The following MTUS2 variants were observed in gnomAD, a reference collection of about 807,000 sequenced individuals.
MTUS2 encodes microtubule-associated tumor suppressor candidate 2.
Under a neutral mutation model 114.1 loss-of-function variants are expected in MTUS2, and 40 were observed. The observed-to-expected ratio is 0.35, with a 90% confidence interval of 0.27 to 0.46. The LOEUF (loss-of-function observed/expected upper bound fraction) is 0.46, where lower values mean the gene tolerates loss of function less well. MTUS2 is among the 20% of genes least tolerant of loss of function. The probability of loss-of-function intolerance (pLI) is 1.00; values close to 1 mark genes in which losing one functional copy is unlikely to be tolerated. For synonymous variants in MTUS2, 688 were observed against 672.0 expected (o/e 1.02, Z -0.37); for missense variants, 1,679 against 1,705.4 (o/e 0.98, Z 0.27).
intron 5 of MTUS2, among the ~76,000 whole-genome samples, chr13:29,181,259 C>T (rs9579304): frequency 0.56 from 85,708 of 151,782 alleles, 24,404 homozygotes; most frequent in Admixed American, 0.57. Flanking sequence ...AGGCATCCTC[C>T]GATGTGCCTA....
chr13:29,020,868 G>T (rs527690023), intron 2 of MTUS2, among the ~76,000 whole-genome samples: 1 of 151,622 alleles, frequency 6.6e-6, no homozygotes, highest in African/African-American at 2.4e-5. Flanking sequence ...AAAGCAAGGG[G>T]ATGTGAAGAC....
chr13:29,403,251 ACTC>A lies in MTUS2; in HGVS notation c.3118-36728_3118-36726del, dbSNP rs199823261. Among the ~76,000 whole-genome samples the A allele has an allele frequency of 4.1e-4, 62 of 150,262 alleles. 1 individual carries two copies. The East Asian group carries it at 0.012, about 30-fold the overall frequency. ...ACTTTTGGGTCCCTGTTCCATTACCACTCCTCTTGTGTGTTTCTTCAGCAGCTC... is the reference window on the plus strand; with the variant it reads ...ACTTTTGGGTCCCTGTTCCATTACCACTCTTGTGTGTTTCTTCAGCAGCTC... On this transcript the variant is annotated intron_variant, in intron 8 of 15. Coordinates refer to ENST00000612955, the MANE Select transcript of MTUS2 (RefSeq NM_001033602.4).
intron 2 of MTUS2, among the ~76,000 whole-genome samples, chr13:28,906,858 TCTAGCAAGG>T (rs1161174732): frequency 6.6e-6 from 1 of 151,486 alleles, no homozygotes; most frequent in East Asian, 1.9e-4. Context: ...ACTTCCCCAA[TCTAGCAAGG>T]CAGGCCAACA....
At chr13:28,887,007 T>A (rs71433288) in intron 2 of MTUS2, among the ~76,000 whole-genome samples, 121 of 152,306 alleles carry the variant, frequency 7.9e-4, no homozygotes, top group Middle Eastern at 6.8e-3. Flanking sequence ...GGTACAGAGC[T>A]AGTGCAAGGT....
chr13:29,290,573 G>A (rs1171238191), intron 6 of MTUS2, among the ~76,000 whole-genome samples: 4 of 151,746 alleles, frequency 2.6e-5, no homozygotes, highest in Admixed American at 6.6e-5. Flanking sequence ...CTCGTGATCC[G>A]CCTGCCTCGG....
intron 4 of MTUS2, among the ~76,000 whole-genome samples, chr13:29,068,924 T>C (rs990073074): frequency 6.6e-6 from 1 of 152,128 alleles, no homozygotes; most frequent in African/African-American, 2.4e-5. Flanking sequence ...CGATCCTCCT[T>C]CTTTTTTAGA....
intron 5 of MTUS2, among the ~76,000 whole-genome samples, chr13:29,253,714 T>C (rs1417970679): frequency 6.6e-6 from 1 of 152,168 alleles, no homozygotes; most frequent in Non-Finnish European, 1.5e-5. Context: ...GACTGGATAA[T>C]TTATAAAGAA....
At chr13:29,498,589 C>G (rs769377236) in intron 14 of MTUS2, 52 bp downstream of exon 14, 1 of 1,609,112 alleles carries the variant, frequency 6.2e-7, no homozygotes, top group South Asian at 1.1e-5. Context: ...TTCCTGCTGT[C>G]ATCACTGATG....
At chr13:28,832,873 T>C (rs1488309619) in intron 1 of MTUS2, among the ~76,000 whole-genome samples, 7 of 151,668 alleles carry the variant, frequency 4.6e-5, no homozygotes, top group Non-Finnish European at 7.4e-5. Context: ...GAATCAGTTA[T>C]TAAAATCAGA....
chr13:29,154,064 G>A (rs1043508962), intron 5 of MTUS2, among the ~76,000 whole-genome samples: 10 of 152,188 alleles, frequency 6.6e-5, no homozygotes, highest in Non-Finnish European at 1.5e-4. Context: ...GGCTGTTGGA[G>A]TTCGATTCAT....
At chr13:29,064,130 A>G (rs1888545569) in intron 4 of MTUS2, among the ~76,000 whole-genome samples, 2 of 152,210 alleles carry the variant, frequency 1.3e-5, no homozygotes, top group South Asian at 4.1e-4. Flanking sequence ...CGGGCAGCTT[A>G]TCCTGTATTA....
intron 2 of MTUS2, among the ~76,000 whole-genome samples, chr13:28,958,731 C>G (rs998925020): frequency 6.6e-6 from 1 of 152,040 alleles, no homozygotes; most frequent in South Asian, 2.1e-4. Context: ...TGGAAGAGTG[C>G]GCATCACATA....
intron 6 of MTUS2, among the ~76,000 whole-genome samples, chr13:29,291,053 C>T (rs1874621381): frequency 6.6e-6 from 1 of 152,154 alleles, no homozygotes; most frequent in Non-Finnish European, 1.5e-5. Flanking sequence ...GAGAGACGTG[C>T]CCTTTGCCTT....
chr13:29,110,476 A>G (rs1444221984), intron 5 of MTUS2, among the ~76,000 whole-genome samples: 1 of 152,204 alleles, frequency 6.6e-6, no homozygotes, highest in Non-Finnish European at 1.5e-5. Context: ...AGTCAAACAA[A>G]TGTCACTAAT....
chr13:29,120,573 TAAGAA>T (rs892142174), intron 5 of MTUS2, among the ~76,000 whole-genome samples: 8 of 151,894 alleles, frequency 5.3e-5, no homozygotes, highest in African/African-American at 1.2e-4. Flanking sequence ...GAGCATGAAG[TAAGAA>T]AAGAAAAAAG....
chr13:29,102,644 T>C (rs1376543417), intron 5 of MTUS2, among the ~76,000 whole-genome samples: 2 of 152,204 alleles, frequency 1.3e-5, no homozygotes, highest in African/African-American at 4.8e-5. Context: ...AAGAAACATA[T>C]GTTAGAATTG....
At position 29,281,614 on chromosome 13, in the gene MTUS2, C is replaced by A. The variant is rs1045565738; in HGVS notation, c.2645-90C>A. ...TCAGGTCAAGTTCTAAAGCAGATGACGGCAGTAGGATTGGTTGGCAAGTGC... is the reference window on the plus strand; with the variant it reads ...TCAGGTCAAGTTCTAAAGCAGATGAAGGCAGTAGGATTGGTTGGCAAGTGC... On this transcript the variant is annotated intron_variant, in intron 5 of 15. Coordinates refer to ENST00000612955, the MANE Select transcript of MTUS2 (RefSeq NM_001033602.4). The A allele has an allele frequency of 5.1e-6, 7 of 1,361,452 alleles. No homozygotes were observed. In the Admixed American group the frequency reaches 6.1e-5, roughly 12 times the overall value. 84.3% of individuals were successfully genotyped at this position (1,361,452 alleles called of 1,614,324 possible).
At chr13:29,229,020 A>G (rs1195907878) in intron 5 of MTUS2, among the ~76,000 whole-genome samples, 1 of 152,134 alleles carries the variant, frequency 6.6e-6, no homozygotes, top group Non-Finnish European at 1.5e-5. Flanking sequence ...GCATGCCTGC[A>G]TCCACGAAGG....
At chr13:29,024,354 A>C in intron 2 of MTUS2, 103 bp from the exon 3 acceptor site, 1 of 254,144 alleles carries the variant, frequency 3.9e-6, no homozygotes, top group East Asian at 6.2e-5. Context: ...GATTGAATGA[A>C]ATAATAATAT....
Sources: gnomAD v4.1 joint callset for allele counts (sites outside exome capture counted in the v4.1 genomes callset) on GRCh38, gnomAD v4.1.1 for gene constraint, MANE v1.5 for transcripts, NCBI Gene and HGNC (gene_info 2026-07-23, HGNC 2026-07-21) for gene names.